Variants in HTR3B observed in about 807,000 individuals in gnomAD.
The protein encoded by HTR3B is 5-hydroxytryptamine receptor 3B.
HTR3B carries 44 observed loss-of-function variants against 42.8 expected under a neutral mutation model. The observed-to-expected ratio is 1.03, with a 90% CI of 0.81 to 1.32. HTR3B has a LOEUF of 1.32. Ranked by LOEUF, HTR3B falls within the 40% of genes most tolerant of loss-of-function variation. The pLI is 0.00. For missense variants in HTR3B, 527 were observed against 536.5 expected (o/e 0.98, Z 0.17); for synonymous variants, 203 against 209.0 (o/e 0.97, Z 0.25).
At chr11:113,917,279 C>A (rs4337072) in intron 2 of HTR3B, among the ~76,000 whole-genome samples, 5,079 of 151,892 alleles carry the variant, frequency 0.033, 254 homozygotes, top group African/African-American at 0.11. Context: ...ATTACAGGTG[C>A]CTGCCACCAC....
At chr11:113,909,626 C>A (rs767990542) in intron 2 of HTR3B, among the ~76,000 whole-genome samples, 171 bp downstream of exon 2, 4 of 152,262 alleles carry the variant, frequency 2.6e-5, no homozygotes, top group Non-Finnish European at 5.9e-5. Context: ...GCAAATCATG[C>A]TTTCTAGCCC....
chr11:113,944,494 C>G, intron 7 of HTR3B, 79 bp from the exon 8 acceptor site: 1 of 1,384,332 alleles, frequency 7.2e-7, no homozygotes. Context: ...GAGCAAGACC[C>G]TGTCCCTAAA....
At chr11:113,938,540 T>A (rs573749466) in intron 6 of HTR3B, among the ~76,000 whole-genome samples, 2 of 152,284 alleles carry the variant, frequency 1.3e-5, no homozygotes, top group South Asian at 4.2e-4. Flanking sequence ...CAGGGAACTG[T>A]CTTATTAATA....
At position 113,948,793 on chromosome 11, in the gene HTR3B, G is replaced by C. The variant is rs956657240; in HGVS notation, c.*2656G>C. On this transcript the variant is annotated 3_prime_UTR_variant, in exon 9 of 9. Transcript: ENST00000260191. ...CAGGAGAATCGCTTGAACCCAGGAG[G>C]TGGAGGTTGCGGTGAGCCGAGATCG... 2.0e-5 allele frequency among the ~76,000 whole-genome samples: 3 copies of C among 152,002 alleles called. No homozygotes were observed. Among genetic ancestry groups the C allele is most frequent in the Non-Finnish European group, 2.9e-5 (2 of 67,994 alleles).
chr11:113,929,756 G>A (rs182875015), intron 2 of HTR3B, among the ~76,000 whole-genome samples: 19 of 151,954 alleles, frequency 1.3e-4, no homozygotes, highest in African/African-American at 3.6e-4. Flanking sequence ...TTTTAGAGAC[G>A]GAGTCTCACT....
At chr11:113,926,181 G>A (rs1033238221) in intron 2 of HTR3B, among the ~76,000 whole-genome samples, 1 of 152,078 alleles carries the variant, frequency 6.6e-6, no homozygotes, top group African/African-American at 2.4e-5. Context: ...CATATATGTT[G>A]TCACATGCAT....
At chr11:113,909,079 G>C in intron 1 of HTR3B, 1 of 585,206 alleles carries the variant, frequency 1.7e-6, no homozygotes. Flanking sequence ...TGATTTACTT[G>C]TTTTTACAAT....
chr11:113,919,812 G>A (rs1305545540), intron 2 of HTR3B, among the ~76,000 whole-genome samples: 1 of 150,630 alleles, frequency 6.6e-6, no homozygotes, highest in African/African-American at 2.5e-5. Context: ...TGGGCAACAA[G>A]AGCAAAACTC....
chr11:113,944,457 C>A, intron 7 of HTR3B, 116 bp from the exon 8 acceptor site: 1 of 888,292 alleles, frequency 1.1e-6, no homozygotes. Flanking sequence ...GCCATGATTG[C>A]ACCACTGCAC....
chr11:113,926,448 T>TTTTCC (rs1174580069), intron 2 of HTR3B, among the ~76,000 whole-genome samples: 18 of 135,130 alleles, frequency 1.3e-4, no homozygotes, highest in East Asian at 2.3e-4. Context: ...ATCAGACTGC[T>TTTTCC]TTTCCTTTCC....
At chr11:113,903,661 C>T (rs1322701272), upstream of HTR3B, among the ~76,000 whole-genome samples, 1 of 152,086 alleles carries the variant, frequency 6.6e-6, no homozygotes, top group East Asian at 1.9e-4. Context: ...CTCCTAACCT[C>T]AAGTGATCCA....
chr11:113,932,003 G>C, intron 4 of HTR3B, 136 bp downstream of exon 4: 1 of 670,956 alleles, frequency 1.5e-6, no homozygotes. Flanking sequence ...GAGTATTCAG[G>C]TTAGAAGTGC....
intron 2 of HTR3B, among the ~76,000 whole-genome samples, chr11:113,917,923 A>G (rs966505621): frequency 3.3e-5 from 5 of 152,192 alleles, no homozygotes; most frequent in Non-Finnish European, 7.3e-5. Flanking sequence ...CGTAATGAAC[A>G]GATCCTTTTA....
At chr11:113,927,780 A>T (rs1313358188) in intron 2 of HTR3B, among the ~76,000 whole-genome samples, 1 of 150,690 alleles carries the variant, frequency 6.6e-6, no homozygotes, top group Admixed American at 6.6e-5. Context: ...CTGGTCTTGA[A>T]CTCCTGACAT....
At chr11:113,933,848 AC>A (rs1286003673) in intron 6 of HTR3B, among the ~76,000 whole-genome samples, 1 of 152,200 alleles carries the variant, frequency 6.6e-6, no homozygotes, top group African/African-American at 2.4e-5. Context: ...CTGGTAAACT[AC>A]ATCATTAGTA....
At chr11:113,937,187 G>T (rs1162590655) in intron 6 of HTR3B, among the ~76,000 whole-genome samples, 1 of 152,172 alleles carries the variant, frequency 6.6e-6, no homozygotes, top group African/African-American at 2.4e-5. Context: ...TCACTGAGCA[G>T]GTGACATGCC....
intron 6 of HTR3B, among the ~76,000 whole-genome samples, chr11:113,938,948 T>C (rs538477777): frequency 3.9e-5 from 6 of 152,154 alleles, no homozygotes; most frequent in African/African-American, 1.4e-4. Flanking sequence ...TGAGTCGAGA[T>C]TGCGTCATTG....
intron 1 of HTR3B, among the ~76,000 whole-genome samples, chr11:113,905,945 T>C (rs1306102947): frequency 2.6e-5 from 4 of 152,144 alleles, no homozygotes; most frequent in Non-Finnish European, 4.4e-5. Flanking sequence ...CATATCTTAA[T>C]TGTAAAAAAT....
intron 6 of HTR3B, among the ~76,000 whole-genome samples, chr11:113,939,875 C>T (rs1404724388): frequency 6.6e-6 from 1 of 150,428 alleles, no homozygotes; most frequent in Admixed American, 6.7e-5. Context: ...CTCTGGAACT[C>T]TGTCCCCTTG....
Sources: gnomAD v4.1 joint callset for allele counts (sites outside exome capture counted in the v4.1 genomes callset) on GRCh38, gnomAD v4.1.1 for gene constraint, MANE v1.5 for transcripts, NCBI Gene and HGNC (gene_info 2026-07-23, HGNC 2026-07-21) for gene names.